Variants in NCKAP1 observed in about 807,000 individuals in gnomAD.
NCKAP1 encodes NCK associated protein 1.
NCKAP1 carries 21 observed loss-of-function variants against 151.2 expected under a neutral mutation model. The observed-to-expected ratio is 0.14, with a 90% CI of 0.10 to 0.20. NCKAP1 has a LOEUF of 0.20. NCKAP1 is among the 10% of genes least tolerant of loss of function. The pLI, the probability that NCKAP1 is intolerant of heterozygous loss-of-function variation, is 1.00. For synonymous variants in NCKAP1, 484 were observed against 451.8 expected, an observed-to-expected ratio of 1.07 and a Z score of -0.90; for missense variants, 933 against 1,352.1, an observed-to-expected ratio of 0.69 and a Z score of 4.86.
intron 13 of NCKAP1, 79 bp downstream of exon 13, chr2:182,981,165 C>A: frequency 6.7e-7 from 1 of 1,492,490 alleles, no homozygotes; most frequent in Non-Finnish European, 9.2e-7. Context: ...TTCATAAATG[C>A]TTGTTGAACA....
At chr2:182,934,727 C>T in intron 26 of NCKAP1, 25 bp downstream of exon 26, 1 of 1,176,082 alleles carries the variant, frequency 8.5e-7, no homozygotes, top group Non-Finnish European at 1.2e-6. Flanking sequence ...AGACTGTAAA[C>T]CCCAACTATA....
chr2:182,977,607 C>A (rs1308452355), intron 14 of NCKAP1, among the ~76,000 whole-genome samples: 1 of 152,172 alleles, frequency 6.6e-6, no homozygotes, highest in Non-Finnish European at 1.5e-5. Context: ...TAGCCAGTCA[C>A]AGCAAGACAA....
chr2:182,936,889 T>G (rs947458196), intron 24 of NCKAP1, among the ~76,000 whole-genome samples: 1 of 150,936 alleles, frequency 6.6e-6, no homozygotes, highest in Non-Finnish European at 1.5e-5. Context: ...CTGAGGCGGG[T>G]GGATCACTTG....
rs1189533445 is a variant in NCKAP1, at chr2:183,038,383, A to C, written c.-284T>G. On this transcript the variant is annotated 5_prime_UTR_variant, in exon 1 of 31. Transcript: ENST00000361354. ...CCCGGCGCTCTCCGCCCCAGCCCCC[A>C]ACGAGCCGCCTTCCCCGGCTGCTCC... is the stretch of plus-strand genomic sequence containing the variant. 1 of 246,998 alleles carries C rather than the reference A, an allele frequency of 4.0e-6. No individual in the cohort carries two copies. The highest frequency in any genetic ancestry group is 7.5e-6 in the Non-Finnish European group (1 of 134,000). The allele number at this position is 246,998 out of a possible 1,614,324, so 15.3% of individuals were successfully genotyped here. A position where few individuals can be genotyped will look rare whatever the true frequency, so the allele number is the denominator to read the frequency against.
chr2:182,932,307 T>C (rs1254378141), intron 26 of NCKAP1, among the ~76,000 whole-genome samples: 1 of 152,140 alleles, frequency 6.6e-6, no homozygotes, highest in Non-Finnish European at 1.5e-5. Context: ...AAAGTACTGA[T>C]ATATGCTGTA....
intron 15 of NCKAP1, among the ~76,000 whole-genome samples, chr2:182,976,455 C>T (rs1697826009): frequency 6.6e-6 from 1 of 152,186 alleles, no homozygotes; most frequent in African/African-American, 2.4e-5. Flanking sequence ...TCTATAGGTG[C>T]TCTCACACTG....
At chr2:182,998,366 A>G (rs1362555969) in intron 6 of NCKAP1, among the ~76,000 whole-genome samples, 1 of 152,216 alleles carries the variant, frequency 6.6e-6, no homozygotes, top group Non-Finnish European at 1.5e-5. Context: ...AGAAAGAAAT[A>G]AAAGGCATCC....
intron 1 of NCKAP1, among the ~76,000 whole-genome samples, chr2:183,024,559 C>T (rs1030118496): frequency 2.0e-5 from 3 of 152,186 alleles, no homozygotes; most frequent in South Asian, 2.1e-4. Flanking sequence ...ACGTTTTGAC[C>T]GTATCAGCAG....
Position 182,982,918 on chromosome 2 carries a change from C to A in NCKAP1, c.1111G>T (p.Val371Phe). ...PGLLGPKALF[V>F]FMALSFARDE... ...CGGGCAAAGGATAATGCCATAAAAA[C>A]AAAAAGTGCCTGTTTAAAAAAAAGT... Residue 371 changes from valine (V) to phenylalanine (F), a missense_variant, in exon 12 of 31, where the codon GTT (valine) becomes TTT (phenylalanine). Coordinates refer to ENST00000361354, the MANE Select transcript of NCKAP1 (RefSeq NM_013436.5). 6.3e-7 allele frequency: 1 copy of A among 1,592,564 alleles called. No individual in the cohort carries two copies. Among genetic ancestry groups the A allele is most frequent in the South Asian group, 1.2e-5 (1 of 86,844 alleles).
At chr2:182,954,747 C>T (rs1191298557) in intron 20 of NCKAP1, among the ~76,000 whole-genome samples, 1 of 152,048 alleles carries the variant, frequency 6.6e-6, no homozygotes, top group East Asian at 1.9e-4. Context: ...GATTGTGCCA[C>T]TGCACTCCAG....
chr2:183,023,934 T>A lies in NCKAP1; in HGVS notation c.109-18A>T. The A allele has an allele frequency of 2.0e-6, 3 of 1,514,246 alleles. No individual in the cohort carries two copies. Among genetic ancestry groups the A allele is most frequent in the Admixed American group, 2.0e-5 (1 of 49,662 alleles). 93.8% of individuals were successfully genotyped at this position (1,514,246 alleles called of 1,614,324 possible). A position where few individuals can be genotyped will look rare whatever the true frequency, so the allele number is the denominator to read the frequency against. ...CCACATGCCTATAAAACAACAGTAA[T>A]AAAAAAAAGTGAAATGCACCCTTCT... On this transcript the variant is annotated intron_variant, in intron 1 of 30. Coordinates refer to ENST00000361354, the MANE Select transcript of NCKAP1 (RefSeq NM_013436.5).
rs13432472 is a variant in NCKAP1, at chr2:182,916,290, G to C, written c.*9412C>G. On this transcript the variant is annotated 3_prime_UTR_variant, in exon 31 of 31. Transcript: ENST00000361354. The stretch of plus-strand genomic sequence containing the variant: ...TTCTCCACAGGAACAAAAAGAAACA[G>C]AACCACTTGTTCCCAACATGAAGCT... 2 of 150,954 alleles carry C rather than the reference G, an allele frequency of 1.3e-5. No homozygotes were observed. Among genetic ancestry groups the C allele is most frequent in the Admixed American group, 1.3e-4 (2 of 15,058 alleles). 9.4% of individuals were successfully genotyped at this position (150,954 alleles called of 1,614,324 possible).
chr2:183,002,817 A>G (rs1369074396), intron 4 of NCKAP1, among the ~76,000 whole-genome samples, 157 bp downstream of exon 4: 1 of 152,090 alleles, frequency 6.6e-6, no homozygotes, highest in East Asian at 1.9e-4. Flanking sequence ...TAAAAAGAAT[A>G]CACACTTTAC....
intron 30 of NCKAP1, among the ~76,000 whole-genome samples, 190 bp from the exon 31 acceptor site, chr2:182,926,008 T>C (rs1696636474): frequency 6.6e-6 from 1 of 152,126 alleles, no homozygotes; most frequent in Non-Finnish European, 1.5e-5. Context: ...CCACAGTGAA[T>C]GTATATCAAA....
At position 182,924,731 on chromosome 2, in the gene NCKAP1, A is replaced by C. The variant is rs1423838228; in HGVS notation, c.*971T>G. On this transcript the variant is annotated 3_prime_UTR_variant, in exon 31 of 31. Coordinates refer to ENST00000361354, the MANE Select transcript of NCKAP1 (RefSeq NM_013436.5). Reference sequence around the variant, plus strand: ...TATTTTTTTCAATAAAATGTTTTTTAAAACATTTAAACAAATCATATAATA... The same window carrying C: ...TATTTTTTTCAATAAAATGTTTTTTCAAACATTTAAACAAATCATATAATA... 1 of 152,144 alleles carries C rather than the reference A, an allele frequency of 6.6e-6. No homozygotes were observed. Among genetic ancestry groups the C allele is most frequent in the African/African-American group, 2.4e-5 (1 of 41,450 alleles). The allele number at this position is 152,144 out of a possible 1,614,324, so 9.4% of individuals were successfully genotyped here. A position where few individuals can be genotyped will look rare whatever the true frequency, so the allele number is the denominator to read the frequency against.
intron 6 of NCKAP1, among the ~76,000 whole-genome samples, chr2:182,997,550 G>C (rs1698294271): frequency 6.6e-6 from 1 of 152,166 alleles, no homozygotes; most frequent in Non-Finnish European, 1.5e-5. Flanking sequence ...GTGTGGATTT[G>C]AGAATTCCTC....
chr2:182,964,620 G>T, intron 17 of NCKAP1, 56 bp downstream of exon 17: 1 of 1,399,134 alleles, frequency 7.1e-7, no homozygotes, highest in Non-Finnish European at 9.5e-7. Flanking sequence ...TTGGCTACAG[G>T]TTTGATCTAG....
chr2:183,035,488 G>C (rs1367339695), intron 1 of NCKAP1, among the ~76,000 whole-genome samples: 1 of 151,938 alleles, frequency 6.6e-6, no homozygotes, highest in Non-Finnish European at 1.5e-5. Flanking sequence ...ATGAAAATGT[G>C]ATAATTGATT....
At chr2:182,961,218 C>A (rs1429730529) in intron 18 of NCKAP1, among the ~76,000 whole-genome samples, 2 of 152,100 alleles carry the variant, frequency 1.3e-5, no homozygotes, top group Non-Finnish European at 2.9e-5. Flanking sequence ...TTGACCCAGC[C>A]ATCCCATTAC....
Sources: allele counts gnomAD v4.1 joint callset (sites outside exome capture counted in the v4.1 genomes callset), GRCh38; gene constraint gnomAD v4.1.1; transcripts MANE v1.5; gene names NCBI Gene and HGNC (gene_info 2026-07-23, HGNC 2026-07-21).